PACRG: variants seen among roughly 807,000 people sequenced by gnomAD.
The protein encoded by PACRG is parkin coregulated gene protein.
PACRG carries 29 observed loss-of-function variants against 29.7 expected under a neutral mutation model. That is an observed-to-expected ratio of 0.98 (90% CI 0.73 to 1.33). PACRG has a LOEUF of 1.33. Among genes scored for constraint, PACRG ranks in the 40% most tolerant of loss-of-function variants. The pLI is 0.00. For missense variants in PACRG, 279 were observed against 316.2 expected, an observed-to-expected ratio of 0.88 and a Z score of 0.89; for synonymous variants, 116 against 118.7, an observed-to-expected ratio of 0.98 and a Z score of 0.15.
chr6:162,917,642 C>T (rs1466983368), intron 2 of PACRG, among the ~76,000 whole-genome samples: 3 of 152,090 alleles, frequency 2.0e-5, no homozygotes, highest in Non-Finnish European at 4.4e-5. Context: ...GTACATCTAT[C>T]TTCTTTAGCT....
intron 4 of PACRG, among the ~76,000 whole-genome samples, chr6:163,211,507 A>G (rs1425284470): frequency 6.6e-6 from 1 of 152,136 alleles, no homozygotes. Context: ...ACCGTATTTG[A>G]TTATTTTTCA....
rs893617675 is a variant in PACRG at position 163,261,414 on chromosome 6, C to T, written c.614-53413C>T. On this transcript the variant is annotated intron_variant, in intron 4 of 4. Transcript: ENST00000366888. ...TATCCTAATGCTCTCCCTCCCCTTG[C>T]CCCCCACCCCCTGAGGTGCTGGATT... 2.2e-4 allele frequency among the ~76,000 whole-genome samples: 34 copies of T among 152,108 alleles called. 1 individual carries two copies. The highest frequency in any genetic ancestry group is 2.2e-3 in the Admixed American group (34 of 15,276).
At chr6:162,955,528 T>C (rs1799954659) in intron 2 of PACRG, among the ~76,000 whole-genome samples, 1 of 152,214 alleles carries the variant, frequency 6.6e-6, no homozygotes, top group Non-Finnish European at 1.5e-5. Context: ...CTTGAACTCC[T>C]GACCTCGTTA....
chr6:163,098,971 G>A (rs968364884), intron 4 of PACRG, among the ~76,000 whole-genome samples: 1 of 152,152 alleles, frequency 6.6e-6, no homozygotes, highest in Non-Finnish European at 1.5e-5. Context: ...GTTTGGGCCG[G>A]CTTCTTTACT....
At chr6:163,137,467 C>A (rs1170922535) in intron 4 of PACRG, among the ~76,000 whole-genome samples, 1 of 152,170 alleles carries the variant, frequency 6.6e-6, no homozygotes, top group Non-Finnish European at 1.5e-5. Flanking sequence ...AACAAACCCA[C>A]CAAAATCCTC....
At chr6:163,166,115 T>C (rs1368659374) in intron 4 of PACRG, 1 of 456,136 alleles carries the variant, frequency 2.2e-6, no homozygotes, top group African/African-American at 2.0e-5. Flanking sequence ...GCTGCAGGGC[T>C]TGGCGCGGGG....
chr6:163,082,909 C>T (rs1813213014), intron 3 of PACRG, among the ~76,000 whole-genome samples: 1 of 152,082 alleles, frequency 6.6e-6, no homozygotes, highest in South Asian at 2.1e-4. Context: ...TGCACATTTG[C>T]CTAAATCCTT....
Position 163,225,664 on chromosome 6 carries a change from G to A in PACRG, c.614-89163G>A, listed in dbSNP as rs113718406. 2.8e-3 allele frequency among the ~76,000 whole-genome samples: 427 copies of A among 152,266 alleles called. 2 individuals are homozygous for A. The highest frequency in any genetic ancestry group is 9.5e-3 in the African/African-American group (395 of 41,550). ...AAACAGTATGGAGGTTCCTCAAAAC[G>A]TTAAAAATAGAGATACTGTGTAATC... On this transcript the variant is annotated intron_variant, in intron 4 of 4. Transcript: ENST00000366888.
intron 3 of PACRG, among the ~76,000 whole-genome samples, chr6:163,081,431 G>T (rs898943424): frequency 6.6e-6 from 1 of 152,144 alleles, no homozygotes; most frequent in Non-Finnish European, 1.5e-5. Flanking sequence ...GCACAACATT[G>T]TAAATCTAAT....
At chr6:163,031,422 T>A (rs1008846173) in intron 2 of PACRG, among the ~76,000 whole-genome samples, 4 of 152,208 alleles carry the variant, frequency 2.6e-5, no homozygotes, top group Non-Finnish European at 5.9e-5. Context: ...CAGAGATCAC[T>A]GGTTGGTTTG....
intron 4 of PACRG, among the ~76,000 whole-genome samples, chr6:163,225,235 T>C (rs36109213): frequency 0.31 from 46,883 of 152,144 alleles, 7,757 homozygotes; most frequent in East Asian, 0.6. Flanking sequence ...CCAAATCTCA[T>C]CTTGAATTTT....
chr6:163,302,866 C>T (rs1785055903), intron 4 of PACRG, among the ~76,000 whole-genome samples: 1 of 152,150 alleles, frequency 6.6e-6, no homozygotes, highest in African/African-American at 2.4e-5. Flanking sequence ...GAATCTTTTA[C>T]TTTGTAGCTC....
At chr6:163,152,281 A>G (rs973656876) in intron 4 of PACRG, among the ~76,000 whole-genome samples, 2 of 152,234 alleles carry the variant, frequency 1.3e-5, no homozygotes, top group Non-Finnish European at 2.9e-5. Context: ...TATTTTTAGA[A>G]TAAAATGCTT....
chr6:163,203,440 A>G (rs143289333), intron 4 of PACRG, among the ~76,000 whole-genome samples: 49 of 152,166 alleles, frequency 3.2e-4, no homozygotes, highest in African/African-American at 1.0e-3. Flanking sequence ...AAAAAAACCC[A>G]CCAAACATTG....
intron 3 of PACRG, among the ~76,000 whole-genome samples, chr6:163,064,772 C>A (rs1402929858): frequency 2.0e-5 from 3 of 151,852 alleles, no homozygotes; most frequent in African/African-American, 7.3e-5. Context: ...ACACCATACC[C>A]AGTATAATTT....
chr6:163,287,147 G>A (rs1784430920), intron 4 of PACRG, among the ~76,000 whole-genome samples: 1 of 152,050 alleles, frequency 6.6e-6, no homozygotes, highest in Admixed American at 6.5e-5. Context: ...GGTGGCTGTC[G>A]GAACGAAAGT....
At chr6:163,008,168 C>T (rs1318922276) in intron 2 of PACRG, among the ~76,000 whole-genome samples, 1 of 152,028 alleles carries the variant, frequency 6.6e-6, no homozygotes, top group Non-Finnish European at 1.5e-5. Flanking sequence ...CATAGTTCCC[C>T]CTAACGCAAA....
At position 162,988,298 on chromosome 6, in the gene PACRG, C is replaced by A. The variant is rs117970570; in HGVS notation, c.292-73852C>A. ...CTAGGGACACAGAGTGGGATTGGAG[C>A]AGAGATTTAACTGAATAAAGAGGAG... is the stretch of plus-strand genomic sequence containing the variant. On this transcript the variant is annotated intron_variant, in intron 2 of 4. Transcript: ENST00000366888. 2.3e-3 allele frequency among the ~76,000 whole-genome samples: 353 copies of A among 152,154 alleles called. 1 individual carries two copies. The highest frequency in any genetic ancestry group is 4.1e-3 in the Non-Finnish European group (280 of 67,994).
intron 2 of PACRG, among the ~76,000 whole-genome samples, chr6:163,012,807 C>A (rs1805737495): frequency 6.6e-6 from 1 of 152,242 alleles, no homozygotes; most frequent in African/African-American, 2.4e-5. Flanking sequence ...CTCCGCTTCA[C>A]CTTTGCACCC....
Sources: allele counts gnomAD v4.1 joint callset (sites outside exome capture counted in the v4.1 genomes callset), GRCh38; gene constraint gnomAD v4.1.1; transcripts MANE v1.5; gene names NCBI Gene and HGNC (gene_info 2026-07-23, HGNC 2026-07-21).